The following SOX5 variants were observed in gnomAD, a reference collection of about 807,000 sequenced individuals.
The protein encoded by SOX5 is transcription factor SOX-5.
A neutral mutation model predicts 92.0 loss-of-function variants in SOX5; 9 were observed. The observed-to-expected ratio is 0.10, with a 90% confidence interval of 0.06 to 0.17. SOX5 has a LOEUF of 0.17. SOX5 is among the 10% of genes least tolerant of loss of function. The pLI, the probability that SOX5 is intolerant of heterozygous loss-of-function variation, is 1.00. For missense variants in SOX5, 642 were observed against 944.5 expected (o/e 0.68, Z 4.20); for synonymous variants, 344 against 336.3 (o/e 1.02, Z -0.25).
chr12:24,263,482 C>T (rs1189990653), intron 3 of SOX5, among the ~76,000 whole-genome samples: 2 of 120,782 alleles, frequency 1.7e-5, no homozygotes, highest in South Asian at 2.9e-4. Flanking sequence ...GAACCGAGGC[C>T]GTGTCACTGC....
chr12:24,226,334 T>C (rs1217403032), intron 3 of SOX5, among the ~76,000 whole-genome samples: 5 of 152,184 alleles, frequency 3.3e-5, no homozygotes, highest in Admixed American at 2.0e-4. Flanking sequence ...GTATTTATTC[T>C]TATGTGCCCT....
intron 4 of SOX5, among the ~76,000 whole-genome samples, chr12:24,194,107 A>C (rs1217157574): frequency 6.6e-6 from 1 of 152,210 alleles, no homozygotes; most frequent in African/African-American, 2.4e-5. Flanking sequence ...GTTCTAATTG[A>C]CAATAAAAGG....
At chr12:24,379,761 C>T (rs1425198515) in intron 1 of SOX5, among the ~76,000 whole-genome samples, 2 of 151,842 alleles carry the variant, frequency 1.3e-5, no homozygotes, top group African/African-American at 4.8e-5. Flanking sequence ...TATTTGCCTT[C>T]CTTGTATTCC....
intron 4 of SOX5, among the ~76,000 whole-genome samples, chr12:24,093,007 C>T (rs1424831182): frequency 6.6e-6 from 1 of 152,014 alleles, no homozygotes; most frequent in African/African-American, 2.4e-5. Flanking sequence ...TCAGCCATCT[C>T]ATCTTAAAAA....
intron 1 of SOX5, among the ~76,000 whole-genome samples, chr12:23,911,262 CA>C (rs2097348859): frequency 6.6e-6 from 1 of 151,992 alleles, no homozygotes; most frequent in African/African-American, 2.4e-5. Context: ...CCAATACTTA[CA>C]AAACCCCAAA....
At chr12:24,193,487 CA>C (rs1270009479) in intron 4 of SOX5, among the ~76,000 whole-genome samples, 3 of 152,156 alleles carry the variant, frequency 2.0e-5, no homozygotes, top group Admixed American at 6.5e-5. Flanking sequence ...TTACATGAAG[CA>C]AATTACTTAA....
At chr12:23,887,991 C>T (rs2097089663) in intron 2 of SOX5, among the ~76,000 whole-genome samples, 1 of 149,532 alleles carries the variant, frequency 6.7e-6, no homozygotes, top group African/African-American at 2.5e-5. Context: ...TCAGTGGAAA[C>T]AATTTCAAGT....
rs1442807387 is a variant in SOX5, at chr12:24,309,245, C to T, written c.-173-31933G>A. ...TCAGCAGAGCCTGATTATCAATTTG[C>T]ACCTCTTGCAAAGGAAGGCCTAGAA... On this transcript the variant is annotated intron_variant, in intron 2 of 4. Coordinates refer to the SOX5 transcript ENST00000446891. Among the ~76,000 whole-genome samples the T allele has an allele frequency of 5.9e-5, 9 of 152,300 alleles. No individual in the cohort carries two copies. The East Asian group carries it at 1.7e-3, about 29-fold the overall frequency.
chr12:24,530,290 T>C (rs1182749045), intron 1 of SOX5, among the ~76,000 whole-genome samples: 6 of 152,024 alleles, frequency 3.9e-5, no homozygotes, highest in Admixed American at 2.6e-4. Context: ...AAAGAAAGAG[T>C]CAGAGTTCAG....
intron 4 of SOX5, among the ~76,000 whole-genome samples, chr12:24,139,479 TC>T (rs1415866990): frequency 6.6e-6 from 1 of 152,218 alleles, no homozygotes; most frequent in Non-Finnish European, 1.5e-5. Flanking sequence ...TGTCAGCTGC[TC>T]CATGATTGAA....
At chr12:24,041,309 A>G (rs1956503424) in intron 4 of SOX5, among the ~76,000 whole-genome samples, 1 of 152,174 alleles carries the variant, frequency 6.6e-6, no homozygotes, top group Non-Finnish European at 1.5e-5. Context: ...CAGTGTCTCT[A>G]TCCCTTAAAA....
intron 3 of SOX5, among the ~76,000 whole-genome samples, chr12:24,215,647 T>C (rs1458415375): frequency 6.6e-6 from 1 of 152,032 alleles, no homozygotes; most frequent in Admixed American, 6.6e-5. Flanking sequence ...ATGAGAAAAC[T>C]TAATATTCTT....
chr12:24,232,627 A>G (rs1244289755), intron 3 of SOX5, among the ~76,000 whole-genome samples: 1 of 152,188 alleles, frequency 6.6e-6, no homozygotes. Flanking sequence ...ATGACTTGAT[A>G]TGAGTCAAAC....
intron 4 of SOX5, among the ~76,000 whole-genome samples, chr12:24,163,583 T>A (rs750559827): frequency 3.3e-5 from 5 of 151,796 alleles, no homozygotes; most frequent in Non-Finnish European, 7.4e-5. Context: ...ATTATCTGGC[T>A]TGGGTCATAA....
At chr12:24,032,740 A>T (rs1338617627) in intron 4 of SOX5, among the ~76,000 whole-genome samples, 1 of 151,916 alleles carries the variant, frequency 6.6e-6, no homozygotes, top group Non-Finnish European at 1.5e-5. Flanking sequence ...TTACTATCCG[A>T]AAGAAATTTA....
chr12:23,957,453 T>C (rs895873686), intron 4 of SOX5, among the ~76,000 whole-genome samples: 1 of 152,234 alleles, frequency 6.6e-6, no homozygotes, highest in Non-Finnish European at 1.5e-5. Context: ...CTACAGTAAA[T>C]ACCTCACGTG....
At chr12:24,088,435 T>C (rs938390606) in intron 4 of SOX5, among the ~76,000 whole-genome samples, 1 of 152,076 alleles carries the variant, frequency 6.6e-6, no homozygotes, top group African/African-American at 2.4e-5. Flanking sequence ...TGCATGGGCA[T>C]TGACTTACCA....
chr12:24,438,989 G>T (rs1249549803), intron 1 of SOX5, among the ~76,000 whole-genome samples: 3 of 152,302 alleles, frequency 2.0e-5, no homozygotes, highest in Middle Eastern at 6.8e-3. Flanking sequence ...GTCTCCTACA[G>T]AGAAATCTTT....
At chr12:23,922,981 T>C (rs779933022) in intron 1 of SOX5, among the ~76,000 whole-genome samples, 5 of 151,606 alleles carry the variant, frequency 3.3e-5, no homozygotes, top group Non-Finnish European at 7.4e-5. Context: ...AGTCTCACTG[T>C]GTCACCCAGG....
Sources: allele counts gnomAD v4.1 joint callset (sites outside exome capture counted in the v4.1 genomes callset), GRCh38; gene constraint gnomAD v4.1.1; transcripts MANE v1.5; gene names NCBI Gene and HGNC (gene_info 2026-07-23, HGNC 2026-07-21).